EVC: variants seen among roughly 807,000 people sequenced by gnomAD.
EVC encodes evC complex member EVC.
In EVC, 116 loss-of-function variants were observed where a neutral mutation model predicts 118.9. The ratio of observed to expected loss-of-function variants is 0.98; its 90% CI spans 0.84 to 1.14. EVC has a LOEUF of 1.14. Ranked by LOEUF, EVC falls within the 50% of genes most tolerant of loss-of-function variation. EVC has a pLI of 0.00. For missense variants in EVC, 1,401 were observed against 1,246.4 expected (o/e 1.12, Z -1.87); for synonymous variants, 619 against 534.7 (o/e 1.16, Z -2.18).
At chr4:5,806,570 C>T (rs1715955635) in intron 17 of EVC, among the ~76,000 whole-genome samples, 1 of 152,170 alleles carries the variant, frequency 6.6e-6, no homozygotes, top group Non-Finnish European at 1.5e-5. Flanking sequence ...ATATGGACCA[C>T]ATTTTCCTTA....
chr4:5,801,807 C>G (rs1270559645), intron 15 of EVC, 143 bp from the exon 16 acceptor site: 2 of 852,654 alleles, frequency 2.3e-6, no homozygotes, highest in Non-Finnish European at 3.9e-6. Context: ...GCCATGCACT[C>G]TCTGCCTGCT....
the EVC span, among the ~76,000 whole-genome samples, chr4:5,819,628 C>T: frequency 1.1e-4 from 17 of 152,340 alleles, no homozygotes; most frequent in African/African-American, 3.1e-4. Flanking sequence ...GCTGCTTCTG[C>T]TTCCACTTCC....
chr4:5,764,802 TATTA>T (rs1485023177), intron 11 of EVC, among the ~76,000 whole-genome samples: 1 of 148,232 alleles, frequency 6.7e-6, no homozygotes, highest in East Asian at 2.0e-4. Flanking sequence ...TTTTCTTCTT[TATTA>T]GTCTTGCTAG....
chr4:5,784,655 T>C (rs1317759427), intron 12 of EVC, among the ~76,000 whole-genome samples: 1 of 144,348 alleles, frequency 6.9e-6, no homozygotes, highest in East Asian at 2.1e-4. Context: ...CTGTCCAGGC[T>C]GGAGTGCAAT....
intron 16 of EVC, among the ~76,000 whole-genome samples, chr4:5,803,718 C>T (rs76838484): frequency 0.1 from 15,640 of 152,178 alleles, 1,050 homozygotes; most frequent in South Asian, 0.21. Context: ...TGCTATGTCC[C>T]CAGAGGCTAT....
At chr4:5,822,281 G>A in the EVC span, among the ~76,000 whole-genome samples, 274 of 152,336 alleles carry the variant, frequency 1.8e-3, no homozygotes, top group African/African-American at 5.6e-3. Context: ...CGTGTCTTGC[G>A]GGACACAGGT....
intron 15 of EVC, among the ~76,000 whole-genome samples, chr4:5,800,608 G>A (rs1382569894): frequency 2.6e-5 from 4 of 152,176 alleles, no homozygotes; most frequent in African/African-American, 9.6e-5. Context: ...GGTGCACATA[G>A]GATGTGAAGA....
chr4:5,769,940 C>G (rs1733685223), intron 11 of EVC, among the ~76,000 whole-genome samples: 1 of 152,114 alleles, frequency 6.6e-6, no homozygotes, highest in South Asian at 2.1e-4. Context: ...GAAGATCCCC[C>G]TCAGGCTCTT....
At chr4:5,797,564 T>C (rs1293772362) in intron 14 of EVC, among the ~76,000 whole-genome samples, 1 of 152,154 alleles carries the variant, frequency 6.6e-6, no homozygotes, top group East Asian at 1.9e-4. Flanking sequence ...CCATCTCTTA[T>C]AAGGACACCA....
chr4:5,786,872 A>C (rs1376139821), intron 12 of EVC, among the ~76,000 whole-genome samples: 1 of 57,572 alleles, frequency 1.7e-5, no homozygotes, highest in Admixed American at 1.8e-4. Flanking sequence ...ACTCCGTCTC[A>C]AAAAAAAAAA....
chr4:5,727,705 G>C (rs1451118754), intron 2 of EVC, among the ~76,000 whole-genome samples: 1 of 151,896 alleles, frequency 6.6e-6, no homozygotes, highest in Non-Finnish European at 1.5e-5. Flanking sequence ...TATGGTTTTA[G>C]GTCTAACGTT....
In EVC at chr4:5,731,539, G is replaced by C; in HGVS notation, c.499G>C (p.Gly167Arg). 5 of 1,614,090 alleles carry C rather than the reference G, an allele frequency of 3.1e-6. No homozygotes were observed. Among genetic ancestry groups the C allele is most frequent in the Non-Finnish European group, 4.2e-6 (5 of 1,180,020 alleles). ...PSSSLGSLSQGEKDDCSSSSS... is the reference protein window; with the variant it reads ...PSSSLGSLSQREKDDCSSSSS... The stretch of plus-strand genomic sequence containing the variant: ...CAGCAGTCTGGGGAGCCTGAGCCAG[G>C]GTGAGAAGGACGACTGCAGCTCCTC... The change falls in exon 4 of 21, where the codon GGT becomes CGT. Residue 167 changes from glycine (G) to arginine (R), a missense_variant. Physicochemically the swap from Gly to Arg is moderately radical, Grantham distance 125. Transcript: ENST00000264956. This position sits in a 1 kb window ranked among gnomAD's most constrained non-coding sequence, Gnocchi z 5.6.
At position 5,752,868 on chromosome 4, in the gene EVC, C is replaced by T. The variant is rs1730602698; in HGVS notation, c.1131C>T (p.His377=). The change falls in exon 9 of 21, where the codon CAC becomes CAT. Residue 377 remains histidine, a synonymous_variant. Transcript: ENST00000264956. ...DALERTMGRA[H]MAKVIEFLKL... The stretch of plus-strand genomic sequence containing the variant: ...TGGAGAGGACGATGGGGCGGGCGCA[C>T]ATGGCAAAAGTGATTGAGTTTCTGA... The T allele has an allele frequency of 6.2e-7, 1 of 1,614,084 alleles. No individual in the cohort carries two copies. The highest frequency in any genetic ancestry group is 1.3e-5 in the African/African-American group (1 of 74,940).
At position 5,715,740 on chromosome 4, in the gene EVC, C is replaced by CTT. The variant is rs35287924; in HGVS notation, c.175-3488_175-3487dup. Among the ~76,000 whole-genome samples the CTT allele has an allele frequency of 2.4e-4, 17 of 71,000 alleles. 1 individual carries two copies. Among genetic ancestry groups the CTT allele is most frequent in the South Asian group, 8.9e-4 (2 of 2,248 alleles). 46.6% of individuals were successfully genotyped at this position (71,000 alleles called of 152,430 possible). On this transcript the variant is annotated intron_variant, in intron 1 of 20. Coordinates refer to ENST00000264956, the MANE Select transcript of EVC (RefSeq NM_153717.3). ...AATTTCGAAGGCATTTTTCCATTGTCTTTTTTTTTTTTTTTTTTTTTGAGA... is the reference window on the plus strand; with the variant it reads ...AATTTCGAAGGCATTTTTCCATTGTCTTTTTTTTTTTTTTTTTTTTTTTGAGA...
intron 11 of EVC, among the ~76,000 whole-genome samples, chr4:5,771,533 G>C (rs1733960258): frequency 6.6e-6 from 1 of 152,186 alleles, no homozygotes; most frequent in Non-Finnish European, 1.5e-5. Context: ...TCCAGGGATT[G>C]GGACGTGGAC....
At chr4:5,717,740 C>G (rs527939255) in intron 1 of EVC, among the ~76,000 whole-genome samples, 5 of 152,374 alleles carry the variant, frequency 3.3e-5, no homozygotes, top group African/African-American at 1.2e-4. Flanking sequence ...CTCAATGGCT[C>G]ATGGCCTCAC....
downstream of EVC, among the ~76,000 whole-genome samples, chr4:5,817,756 G>T (rs912114971): frequency 6.6e-6 from 1 of 152,280 alleles, no homozygotes; most frequent in Non-Finnish European, 1.5e-5. Context: ...GCTCTGTTGA[G>T]TCTATAGAGA....
intron 12 of EVC, among the ~76,000 whole-genome samples, chr4:5,791,043 C>T (rs939793916): frequency 2.6e-5 from 4 of 150,954 alleles, no homozygotes; most frequent in East Asian, 3.9e-4. Context: ...TGCAGTGAGC[C>T]GAGATCTCAC....
At chr4:5,824,371 G>A in the EVC span, 1 of 985,398 alleles carries the variant, frequency 1.0e-6, no homozygotes. Context: ...TGGAGAGTGA[G>A]ATGAATGGGG....
Sources: gnomAD v4.1 joint callset for allele counts (sites outside exome capture counted in the v4.1 genomes callset) on GRCh38, gnomAD v4.1.1 for gene constraint, Gnocchi (gnomAD v3.1) non-coding constraint, MANE v1.5 for transcripts, NCBI Gene and HGNC (gene_info 2026-07-23, HGNC 2026-07-21) for gene names.